The following NDST4 variants were observed in gnomAD, a reference collection of about 807,000 sequenced individuals.
NDST4 encodes N-heparan sulfate sulfotransferase 4.
A neutral mutation model predicts 100.8 loss-of-function variants in NDST4; 63 were observed. The observed-to-expected ratio is 0.62, with a 90% CI of 0.51 to 0.77. The LOEUF (loss-of-function observed/expected upper bound fraction) is 0.77, where lower values mean the gene tolerates loss of function less well. Ranked by LOEUF, NDST4 falls within the 30% of genes least tolerant of loss-of-function variation. The pLI, the probability that NDST4 is intolerant of heterozygous loss-of-function variation, is 0.00. For missense variants in NDST4, 943 were observed against 1,018.4 expected, an observed-to-expected ratio of 0.93 and a Z score of 1.01; for synonymous variants, 377 against 361.8, an observed-to-expected ratio of 1.04 and a Z score of -0.48.
chr4:115,069,605 T>C (rs545722900), intron 2 of NDST4, among the ~76,000 whole-genome samples: 2 of 152,182 alleles, frequency 1.3e-5, no homozygotes, highest in East Asian at 3.9e-4. Flanking sequence ...CAATGAGATA[T>C]CATCTCACAC....
Position 114,937,367 on chromosome 4 carries a change from T to C in NDST4, c.1358A>G (p.His453Arg), listed in dbSNP as rs1230978572. Reference protein sequence around the residue: ...IQVTSTEEYPHLKPARYRKGF... With the variant: ...IQVTSTEEYPRLKPARYRKGF... The stretch of plus-strand genomic sequence containing the variant: ...CTTTCTGTACCGGGCAGGTTTCAGA[T>C]GTGGATATTCTTCAGTGCTGGTGAC... The change falls in exon 5 of 14, where the codon CAT (histidine) becomes CGT (arginine). Residue 453 changes from histidine (H) to arginine (R), a missense_variant. Physicochemically the swap from His to Arg is conservative, Grantham distance 29. This residue lies in a region of NDST4 where 526 missense variants were observed against 634.1 expected (regional missense o/e 0.83). Transcript: ENST00000264363. 1.2e-6 allele frequency: 2 copies of C among 1,614,074 alleles called. No homozygotes were observed. The highest frequency in any genetic ancestry group is 1.3e-5 in the African/African-American group (1 of 74,940).
At chr4:114,867,646 T>TAAAAAAAAAAAAAAAAAAAA (rs761173470) in intron 7 of NDST4, among the ~76,000 whole-genome samples, 5 of 26,750 alleles carry the variant, frequency 1.9e-4, no homozygotes, top group Admixed American at 4.8e-4. Context: ...ATGAGAATTA[T>TAAAAAAAAAAAAAAAAAAAA]AAAAAAAAAA....
chr4:114,908,130 T>C (rs1185237612), intron 6 of NDST4, among the ~76,000 whole-genome samples: 5 of 152,168 alleles, frequency 3.3e-5, no homozygotes, highest in Non-Finnish European at 5.9e-5. Context: ...CAAAGACACA[T>C]TTTTATCTAT....
At chr4:115,071,079 TG>T (rs1729067097) in intron 2 of NDST4, among the ~76,000 whole-genome samples, 1 of 151,940 alleles carries the variant, frequency 6.6e-6, no homozygotes, top group African/African-American at 2.4e-5. Context: ...TACTCCAGCC[TG>T]GGCAATAAAT....
At chr4:114,831,382 C>T (rs1723198772) in intron 12 of NDST4, among the ~76,000 whole-genome samples, 1 of 152,180 alleles carries the variant, frequency 6.6e-6, no homozygotes, top group African/African-American at 2.4e-5. Flanking sequence ...CTGCTCTTTG[C>T]CTGTCACAAT....
At chr4:114,948,967 A>G (rs1560826503) in intron 4 of NDST4, among the ~76,000 whole-genome samples, 1 of 152,084 alleles carries the variant, frequency 6.6e-6, no homozygotes. Context: ...TTAAATAGTC[A>G]TATTTAGTAG....
chr4:114,847,265 A>G lies in NDST4; in HGVS notation c.1940+950T>C, dbSNP rs868211700. 2.9e-5 allele frequency among the ~76,000 whole-genome samples: 4 copies of G among 138,930 alleles called. 1 individual carries two copies. Among genetic ancestry groups the G allele is most frequent in the Admixed American group, 6.9e-5 (1 of 14,568 alleles). The allele number at this position is 138,930 out of a possible 152,430, so 91.1% of individuals were successfully genotyped here. A position where few individuals can be genotyped will look rare whatever the true frequency, so the allele number is the denominator to read the frequency against. ...GTGGCGGGCGCCTGTAGTCCCAGCT[A>G]CTTGGGAGGCTGAGGCAGGAGAATG... On this transcript the variant is annotated intron_variant, in intron 9 of 13. Coordinates refer to ENST00000264363, the MANE Select transcript of NDST4 (RefSeq NM_022569.3).
chr4:114,960,671 T>C (rs1971146), intron 4 of NDST4, among the ~76,000 whole-genome samples: 129,078 of 152,222 alleles, frequency 0.85, 55,112 homozygotes, highest in African/African-American at 0.94. Flanking sequence ...TGATAGAAAA[T>C]AATATGCATA....
intron 2 of NDST4, among the ~76,000 whole-genome samples, chr4:114,986,793 C>CATGTATATATATATAT (rs1560845235): frequency 2.2e-5 from 2 of 91,148 alleles, no homozygotes; most frequent in Non-Finnish European, 4.0e-5. Flanking sequence ...TCCAATTATA[C>CATGTATATATATATAT]ATATATATAT....
At chr4:114,879,038 T>C (rs1398314727) in intron 6 of NDST4, among the ~76,000 whole-genome samples, 1 of 152,094 alleles carries the variant, frequency 6.6e-6, no homozygotes, top group Non-Finnish European at 1.5e-5. Context: ...AGGTTTTATT[T>C]TATTTTTAAT....
intron 2 of NDST4, among the ~76,000 whole-genome samples, chr4:115,013,849 A>G (rs913458407): frequency 1.3e-5 from 2 of 152,072 alleles, no homozygotes; most frequent in Admixed American, 6.6e-5. Context: ...GTAGTATATC[A>G]TAAGCAATTC....
intron 2 of NDST4, among the ~76,000 whole-genome samples, chr4:115,025,587 G>A (rs927901323): frequency 6.6e-6 from 1 of 152,024 alleles, no homozygotes; most frequent in Non-Finnish European, 1.5e-5. Flanking sequence ...TCTTCATAAT[G>A]GCCATAATCA....
chr4:114,862,441 C>A (rs73848501), intron 7 of NDST4, among the ~76,000 whole-genome samples: 2,865 of 152,160 alleles, frequency 0.019, 95 homozygotes, highest in African/African-American at 0.064. Context: ...CACACATAAC[C>A]CAGCAGAGCA....
intron 6 of NDST4, among the ~76,000 whole-genome samples, chr4:114,904,701 G>GTT (rs11462506): frequency 3.3e-5 from 5 of 151,392 alleles, no homozygotes; most frequent in South Asian, 2.1e-4. Context: ...AATTTGTAGA[G>GTT]TTTTTTTTAC....
intron 2 of NDST4, among the ~76,000 whole-genome samples, chr4:115,001,426 T>C (rs1390110647): frequency 6.6e-6 from 1 of 151,974 alleles, no homozygotes. Context: ...CCACCTAGAC[T>C]ATCAGAGCTT....
intron 2 of NDST4, among the ~76,000 whole-genome samples, chr4:115,038,240 GTTTA>G (rs1167129299): frequency 6.6e-6 from 1 of 152,154 alleles, no homozygotes; most frequent in Admixed American, 6.6e-5. Context: ...GCTTTCTCAT[GTTTA>G]TTACTTTGCT....
intron 6 of NDST4, among the ~76,000 whole-genome samples, chr4:114,929,932 G>C (rs1036758): frequency 0.18 from 27,085 of 151,966 alleles, 3,693 homozygotes; most frequent in African/African-American, 0.37. Context: ...GGAGGCAATG[G>C]TCAGTGTTCT....
chr4:114,937,090 T>A (rs1224758943), intron 5 of NDST4, among the ~76,000 whole-genome samples: 1 of 152,196 alleles, frequency 6.6e-6, no homozygotes, highest in Non-Finnish European at 1.5e-5. Flanking sequence ...CTCATTCCTG[T>A]TAGTTTCAGC....
At chr4:114,890,465 C>A (rs746552952) in intron 6 of NDST4, among the ~76,000 whole-genome samples, 2 of 152,048 alleles carry the variant, frequency 1.3e-5, no homozygotes, top group Non-Finnish European at 2.9e-5. Context: ...TAGGACAAAT[C>A]TCTAAACACC....
Sources: allele counts gnomAD v4.1 joint callset (sites outside exome capture counted in the v4.1 genomes callset), GRCh38; gene constraint gnomAD v4.1.1; regional missense constraint gnomAD v4.1.1; transcripts MANE v1.5; gene names NCBI Gene and HGNC (gene_info 2026-07-23, HGNC 2026-07-21).